Variants in WWOX observed in about 807,000 individuals in gnomAD.
The protein encoded by WWOX is WW domain-containing oxidoreductase.
Under a neutral mutation model 46.2 loss-of-function variants are expected in WWOX, and 69 were observed. That is an observed-to-expected ratio of 1.49 (90% confidence interval 1.23 to 1.82). The LOEUF (loss-of-function observed/expected upper bound fraction) is 1.82. WWOX is among the 40% of genes most tolerant of loss of function. The pLI, the probability that WWOX is intolerant of heterozygous loss-of-function variation, is 0.00. For synonymous variants in WWOX, 359 were observed against 202.6 expected, an observed-to-expected ratio of 1.77 and a Z score of -6.56; for missense variants, 919 against 542.6, an observed-to-expected ratio of 1.69 and a Z score of -6.89.
At chr16:78,460,780 A>G (rs2083929828) in intron 8 of WWOX, among the ~76,000 whole-genome samples, 1 of 152,254 alleles carries the variant, frequency 6.6e-6, no homozygotes, top group Non-Finnish European at 1.5e-5. Flanking sequence ...TCTTTACGCC[A>G]TCCTCCTGAC....
chr16:78,728,051 CTTCCTT>C (rs1202259941), intron 8 of WWOX, among the ~76,000 whole-genome samples: 4 of 105,462 alleles, frequency 3.8e-5, no homozygotes, highest in African/African-American at 1.8e-4. Context: ...TCTCTCCCTC[CTTCCTT>C]TTTTTTTTTT....
intron 8 of WWOX, among the ~76,000 whole-genome samples, chr16:78,723,509 A>G (rs558060597): frequency 1.8e-5 from 2 of 111,074 alleles, no homozygotes; most frequent in South Asian, 3.4e-4. Flanking sequence ...CTCATCTTCT[A>G]CTACCTTCTT....
At chr16:79,152,185 C>G (rs566062144) in intron 8 of WWOX, among the ~76,000 whole-genome samples, 85 of 152,190 alleles carry the variant, frequency 5.6e-4, no homozygotes, top group Non-Finnish European at 1.0e-3. Flanking sequence ...ATCCCTCCCC[C>G]ACGCGAGGCG....
chr16:78,371,217 C>G (rs769026013), intron 5 of WWOX, among the ~76,000 whole-genome samples: 23 of 152,262 alleles, frequency 1.5e-4, no homozygotes, highest in African/African-American at 2.4e-4. Flanking sequence ...AAGGTGACAT[C>G]ACTGTACTAA....
intron 8 of WWOX, among the ~76,000 whole-genome samples, chr16:78,639,676 G>A (rs1035841351): frequency 9.9e-5 from 15 of 151,940 alleles, no homozygotes; most frequent in African/African-American, 3.4e-4. Flanking sequence ...TGATTTTCCT[G>A]CCTCAGCCTC....
At chr16:78,248,858 C>A (rs113327717) in intron 5 of WWOX, among the ~76,000 whole-genome samples, 3,615 of 150,718 alleles carry the variant, frequency 0.024, 156 homozygotes, top group African/African-American at 0.084. Context: ...ACTTATGCCC[C>A]CCGGCCTTTT....
rs117344747 is a variant in WWOX at position 78,107,149 on chromosome 16, T to G, written c.108-1274T>G. Among the ~76,000 whole-genome samples, 35 of 152,326 alleles carry G rather than the reference T, an allele frequency of 2.3e-4. 1 individual carries two copies. The East Asian group carries it at 5.0e-3, about 22-fold the overall frequency. On this transcript the variant is annotated intron_variant, in intron 1 of 8. Coordinates refer to ENST00000566780, the MANE Select transcript of WWOX (RefSeq NM_016373.4). ...TCTAGATGTTGCTGATTAAATAATA[T>G]AACTTTCTGGGTTGGCATGAGTAGG...
chr16:79,056,291 A>G (rs1266853600), intron 8 of WWOX, among the ~76,000 whole-genome samples: 1 of 152,154 alleles, frequency 6.6e-6, no homozygotes, highest in Non-Finnish European at 1.5e-5. Context: ...TGGAGAGGAA[A>G]ATAGAACCCC....
At chr16:78,637,891 C>T (rs2046612771) in intron 8 of WWOX, among the ~76,000 whole-genome samples, 1 of 152,100 alleles carries the variant, frequency 6.6e-6, no homozygotes, top group Non-Finnish European at 1.5e-5. Context: ...TAATTGGTAC[C>T]AGCATCCCTT....
intron 8 of WWOX, among the ~76,000 whole-genome samples, chr16:78,473,051 G>A (rs568107126): frequency 1.3e-3 from 195 of 152,296 alleles, no homozygotes; most frequent in African/African-American, 4.5e-3. Flanking sequence ...ATTTCAAGGT[G>A]TGTGAAAACT....
intron 8 of WWOX, among the ~76,000 whole-genome samples, chr16:78,931,839 C>T (rs929045113): frequency 1.3e-5 from 2 of 152,170 alleles, no homozygotes; most frequent in Non-Finnish European, 2.9e-5. Context: ...ATAATCCCCA[C>T]GCCACATGGG....
chr16:78,813,904 A>G (rs534609588), intron 8 of WWOX, among the ~76,000 whole-genome samples: 12 of 152,238 alleles, frequency 7.9e-5, no homozygotes, highest in East Asian at 1.9e-4. Context: ...CCATTAATCT[A>G]TATTAGAAAA....
At position 78,260,648 on chromosome 16, in the gene WWOX, A is replaced by G. The variant is rs2079207395; in HGVS notation, c.516+96359A>G. On this transcript the variant is annotated intron_variant, in intron 5 of 8. Transcript: ENST00000566780. Reference sequence around the variant, plus strand: ...GCACCACTGCACTCCAGCCTGGGTGACAAAGCTATACTCCATCTAAAAAAA... The same window carrying G: ...GCACCACTGCACTCCAGCCTGGGTGGCAAAGCTATACTCCATCTAAAAAAA... Among the ~76,000 whole-genome samples, 3 of 150,348 alleles carry G rather than the reference A, an allele frequency of 2.0e-5. No individual in the cohort carries two copies. In the South Asian group the frequency reaches 6.3e-4, roughly 32 times the overall value.
At chr16:78,376,404 A>T (rs886972491) in intron 5 of WWOX, among the ~76,000 whole-genome samples, 14 of 152,262 alleles carry the variant, frequency 9.2e-5, no homozygotes, top group Non-Finnish European at 1.6e-4. Context: ...AAGGATTTGA[A>T]CCAGGCTGTC....
intron 8 of WWOX, among the ~76,000 whole-genome samples, chr16:78,922,343 C>G (rs929903133): frequency 1.3e-5 from 2 of 151,118 alleles, no homozygotes; most frequent in African/African-American, 4.9e-5. Flanking sequence ...AACAAAGACT[C>G]TTTTTTTCAG....
At chr16:78,628,688 G>T (rs1438783607) in intron 8 of WWOX, among the ~76,000 whole-genome samples, 6 of 151,974 alleles carry the variant, frequency 3.9e-5, no homozygotes, top group African/African-American at 1.5e-4. Flanking sequence ...TCCGTGCTTT[G>T]TGAGTGACGT....
chr16:78,334,046 C>T (rs958931136), intron 5 of WWOX, among the ~76,000 whole-genome samples: 6 of 152,144 alleles, frequency 3.9e-5, no homozygotes, highest in Non-Finnish European at 7.4e-5. Flanking sequence ...GTCCTCCAGA[C>T]AGTAAAACGG....
At chr16:78,454,445 G>C (rs1016571276) in intron 8 of WWOX, among the ~76,000 whole-genome samples, 19 of 151,830 alleles carry the variant, frequency 1.3e-4, no homozygotes, top group Admixed American at 5.3e-4. Flanking sequence ...TTTTATCTGA[G>C]CAGTGTCCTG....
At chr16:79,135,242 A>T (rs2049960734) in intron 8 of WWOX, among the ~76,000 whole-genome samples, 1 of 152,236 alleles carries the variant, frequency 6.6e-6, no homozygotes, top group Non-Finnish European at 1.5e-5. Context: ...ATACTCATAA[A>T]TATGCATTCA....
Sources: gnomAD v4.1 joint callset for allele counts (sites outside exome capture counted in the v4.1 genomes callset) on GRCh38, gnomAD v4.1.1 for gene constraint, MANE v1.5 for transcripts, NCBI Gene and HGNC (gene_info 2026-07-23, HGNC 2026-07-21) for gene names.